UTP25: variants seen among roughly 807,000 people sequenced by gnomAD.
UTP25 encodes UTP25 small subunit processome component.
A neutral mutation model predicts 78.9 loss-of-function variants in UTP25; 50 were observed. That is an observed-to-expected ratio of 0.63 (90% CI 0.50 to 0.80). UTP25 has a LOEUF of 0.80. Among genes scored for constraint, UTP25 ranks in the 30% least tolerant of loss-of-function variants. UTP25 has a pLI of 0.00. For missense variants in UTP25, 846 were observed against 911.3 expected (o/e 0.93, Z 0.92); for synonymous variants, 329 against 336.5 (o/e 0.98, Z 0.24).
chr1:209,845,664 T>C (rs2078192989), intron 11 of UTP25, among the ~76,000 whole-genome samples: 1 of 152,202 alleles, frequency 6.6e-6, no homozygotes, highest in Non-Finnish European at 1.5e-5. Context: ...TTAATTGGTG[T>C]TTCTTTTGTA....
At chr1:209,839,741 C>G (rs1378447711) in intron 7 of UTP25, among the ~76,000 whole-genome samples, 1 of 152,168 alleles carries the variant, frequency 6.6e-6, no homozygotes, top group Non-Finnish European at 1.5e-5. Flanking sequence ...GTGTGCCAGG[C>G]ACTGTTAAGA....
intron 3 of UTP25, among the ~76,000 whole-genome samples, chr1:209,832,476 C>T (rs10127937): frequency 0.16 from 24,142 of 152,158 alleles, 2,283 homozygotes; most frequent in Non-Finnish European, 0.2. Context: ...CTTTGAACAT[C>T]CTCTCATGTA....
Position 209,840,879 on chromosome 1 carries a change from C to T in UTP25, c.1309C>T (p.Arg437Ter), listed in dbSNP as rs200188965. The T allele has an allele frequency of 1.9e-5, 30 of 1,612,640 alleles. No homozygotes were observed. Among genetic ancestry groups the T allele is most frequent in the Non-Finnish European group, 2.5e-5 (29 of 1,179,882 alleles). ...IGVAILQRSIRLYAPFYSSDI... is the reference protein window; with the variant it reads ...IGVAILQRSI ...AGTGGCAATACTTCAGAGAAGCATCCGACTCTATGCCCCGTTTTACTCCTC... is the reference window on the plus strand; with the variant it reads ...AGTGGCAATACTTCAGAGAAGCATCTGACTCTATGCCCCGTTTTACTCCTC... Residue 437 changes from arginine (R) to a stop codon, truncating the protein, a stop_gained, in exon 8 of 12, where the codon CGA (arginine) becomes TGA (stop). Coordinates refer to ENST00000491415, the MANE Select transcript of UTP25 (RefSeq NM_014388.7). LOFTEE classifies it high-confidence loss of function.
rs2078274105 is a variant in UTP25 at position 209,856,147 on chromosome 1, T to C, written c.*4700T>C. The stretch of plus-strand genomic sequence containing the variant: ...AGTCCTCACGACCACTTCTCAGTTT[T>C]CTCATCTTTATGAAGTATGGAGTAA... On this transcript the variant is annotated 3_prime_UTR_variant, in exon 12 of 12. Transcript: ENST00000491415. 1 of 152,258 alleles carries C rather than the reference T, an allele frequency of 6.6e-6. No individual in the cohort carries two copies. The allele number at this position is 152,258 out of a possible 1,614,324, so 9.4% of individuals were successfully genotyped here. A position where few individuals can be genotyped will look rare whatever the true frequency, so the allele number is the denominator to read the frequency against.
chr1:209,841,045 AGCATG>A lies in UTP25; in HGVS notation c.1476_1480del (p.Glu492AspfsTer30). 1.2e-6 allele frequency: 2 copies of A among 1,613,970 alleles called. No homozygotes were observed. The highest frequency in any genetic ancestry group is 1.7e-6 in the Non-Finnish European group (2 of 1,179,894). On this transcript the variant is annotated frameshift_variant, in exon 8 of 12. Transcript: ENST00000491415. LOFTEE classifies it high-confidence loss of function. ...GACATTTACCTGATGCAGAACTGGG[AGCATG>A]TCCTGGTAATGCTGGCCATTCACAT...
chr1:209,850,840 A>C (rs565706494), intron 11 of UTP25, among the ~76,000 whole-genome samples: 4 of 152,140 alleles, frequency 2.6e-5, no homozygotes, highest in African/African-American at 9.7e-5. Flanking sequence ...TTGCCTGATT[A>C]TAATAAGGCT....
Position 209,843,555 on chromosome 1 carries a change from A to G in UTP25, c.1886A>G (p.Asn629Ser). Residue 629 changes from asparagine (N) to serine (S), a missense_variant, in exon 11 of 12, where the codon AAT (asparagine) becomes AGT (serine). Coordinates refer to ENST00000491415, the MANE Select transcript of UTP25 (RefSeq NM_014388.7). ...PSYFDFVRLR[N>S]YFKKEELNFT... is the part of the protein sequence containing the mutation. ...TACTTTGACTTCGTGCGTCTTCGAA[A>G]TTACTTCAAGAAGGAGGAATTGAAT... The G allele has an allele frequency of 1.9e-6, 3 of 1,614,192 alleles. No individual in the cohort carries two copies. The highest frequency in any genetic ancestry group is 1.6e-4 in the Middle Eastern group (1 of 6,062).
rs2078259032 is a variant in UTP25, at chr1:209,854,320, T to TG, written c.*2873_*2874insG. ...TAAAACAACCAGCTTAGCACTTTTC[T>TG]TTTTGAGAGAGAAAAAGCTTTGAAT... On this transcript the variant is annotated 3_prime_UTR_variant, in exon 12 of 12. Transcript: ENST00000491415. 1 of 147,488 alleles carries TG rather than the reference T, an allele frequency of 6.8e-6. No individual in the cohort carries two copies. The highest frequency in any genetic ancestry group is 6.7e-5 in the Admixed American group (1 of 14,886). 9.1% of individuals were successfully genotyped at this position (147,488 alleles called of 1,614,324 possible).
At chr1:209,838,364 C>A (rs2078146242) in intron 6 of UTP25, among the ~76,000 whole-genome samples, 1 of 134,134 alleles carries the variant, frequency 7.5e-6, no homozygotes, top group South Asian at 2.6e-4. Flanking sequence ...TAATTGTGGT[C>A]ATTTTTTTTT....
chr1:209,851,214 A>G lies in UTP25; in HGVS notation c.2038A>G (p.Lys680Glu), dbSNP rs1280533678. 1 of 1,613,014 alleles carries G rather than the reference A, an allele frequency of 6.2e-7. No individual in the cohort carries two copies. Among genetic ancestry groups the G allele is most frequent in the East Asian group, 2.2e-5 (1 of 44,878 alleles). The change falls in exon 12 of 12, where the codon AAA becomes GAA. Residue 680 changes from lysine to glutamate, a missense_variant. Lys to Glu is a moderately conservative substitution (Grantham distance 56). Coordinates refer to ENST00000491415, the MANE Select transcript of UTP25 (RefSeq NM_014388.7). ...RFHFYKRYTI[K>E]GIRNLIFYEL... ...TTCCAATTCTGACAGGTATACAATA[A>G]AAGGCATCAGGAACCTGATTTTCTA...
At chr1:209,846,957 TATAA>T (rs1293975002) in intron 11 of UTP25, among the ~76,000 whole-genome samples, 6 of 152,392 alleles carry the variant, frequency 3.9e-5, no homozygotes, top group African/African-American at 1.4e-4. Flanking sequence ...ACTGCCCTGA[TATAA>T]ATACTCTTTT....
chr1:209,856,369 T>A lies in UTP25; in HGVS notation c.*4922T>A, dbSNP rs539522244. On this transcript the variant is annotated 3_prime_UTR_variant, in exon 12 of 12. Coordinates refer to ENST00000491415, the MANE Select transcript of UTP25 (RefSeq NM_014388.7). ...CCCATGAGACAGAAGCACTAACTAC[T>A]GAGCAGGACTTCTAGGGGAGTTCTT... is the stretch of plus-strand genomic sequence containing the variant. 1.3e-5 allele frequency: 2 copies of A among 152,222 alleles called. No homozygotes were observed. Among genetic ancestry groups the A allele is most frequent in the Non-Finnish European group, 2.9e-5 (2 of 68,028 alleles). The allele number at this position is 152,222 out of a possible 1,614,324, so 9.4% of individuals were successfully genotyped here.
At chr1:209,842,145 T>C in intron 8 of UTP25, 120 bp from the exon 9 acceptor site, 1 of 1,064,492 alleles carries the variant, frequency 9.4e-7, no homozygotes, top group Non-Finnish European at 1.4e-6. Context: ...AGCCTCAGTT[T>C]TCTTGTTATA....
At position 209,851,472 on chromosome 1, in the gene UTP25, T is replaced by G; in HGVS notation, c.*25T>G. 2.5e-6 allele frequency: 4 copies of G among 1,586,820 alleles called. No individual in the cohort carries two copies. Among genetic ancestry groups the G allele is most frequent in the Non-Finnish European group, 3.4e-6 (4 of 1,166,276 alleles). ...AAATTTTGTTGGGCAGGAAGTGGTA[T>G]TTGGCATGATACATAATGTTTGATT... is the stretch of plus-strand genomic sequence containing the variant. On this transcript the variant is annotated 3_prime_UTR_variant, in exon 12 of 12. Coordinates refer to ENST00000491415, the MANE Select transcript of UTP25 (RefSeq NM_014388.7).
At position 209,851,514 on chromosome 1, in the gene UTP25, C is replaced by G; in HGVS notation, c.*67C>G. The G allele has an allele frequency of 6.6e-7, 1 of 1,510,594 alleles. No homozygotes were observed. The highest frequency in any genetic ancestry group is 1.4e-5 in the South Asian group (1 of 73,974). 93.6% of individuals were successfully genotyped at this position (1,510,594 alleles called of 1,614,324 possible). ...TGTTTGATTCTATGCCATTTGGACC[C>G]AATTCTGATTACTTACAGAAGAAGG... On this transcript the variant is annotated 3_prime_UTR_variant, in exon 12 of 12. Transcript: ENST00000491415.
rs1331347063 is a variant in UTP25, at chr1:209,857,095, T to C, written c.*5648T>C. 6.6e-6 allele frequency: 1 copy of C among 152,146 alleles called. No homozygotes were observed. The highest frequency in any genetic ancestry group is 1.5e-5 in the Non-Finnish European group (1 of 68,014). The allele number at this position is 152,146 out of a possible 1,614,324, so 9.4% of individuals were successfully genotyped here. ...TGATCCGTGAATTACCTATAGGTCA[T>C]CCCTAAGAGGTGGCCTCCAGCTTCT... On this transcript the variant is annotated 3_prime_UTR_variant, in exon 12 of 12. Coordinates refer to ENST00000491415, the MANE Select transcript of UTP25 (RefSeq NM_014388.7).
rs1293245950 is a variant in UTP25 at position 209,852,988 on chromosome 1, C to T, written c.*1541C>T. On this transcript the variant is annotated 3_prime_UTR_variant, in exon 12 of 12. Transcript: ENST00000491415. ...GCTCCCATTATCCTCAATGTAATAACCCATGATTGGTACAGATTTTTTTTA... is the reference window on the plus strand; with the variant it reads ...GCTCCCATTATCCTCAATGTAATAATCCATGATTGGTACAGATTTTTTTTA... The T allele has an allele frequency of 7.2e-5, 11 of 152,134 alleles. No individual in the cohort carries two copies. The highest frequency in any genetic ancestry group is 6.5e-5 in the Admixed American group (1 of 15,268). The allele number at this position is 152,134 out of a possible 1,614,324, so 9.4% of individuals were successfully genotyped here. A position where few individuals can be genotyped will look rare whatever the true frequency, so the allele number is the denominator to read the frequency against.
intron 5 of UTP25, 140 bp from the exon 6 acceptor site, chr1:209,836,661 G>GT: frequency 3.5e-6 from 3 of 869,018 alleles, no homozygotes; most frequent in Non-Finnish European, 5.2e-6. Context: ...GAGTATCATG[G>GT]TAACTACCTT....
rs1044834797 is a variant in UTP25 at position 209,842,460 on chromosome 1, C to T, written c.1668+13C>T. On this transcript the variant is annotated intron_variant, in intron 9 of 11. Transcript: ENST00000491415. ...CATGCAAGGCCAGGTGGGTTCTCGT[C>T]TTGTTTCCTCAGTATCTTCATGAGC... The T allele has an allele frequency of 3.7e-6, 6 of 1,614,110 alleles. No homozygotes were observed. The highest frequency in any genetic ancestry group is 2.2e-5 in the East Asian group (1 of 44,874).
Sources: gnomAD v4.1 joint callset for allele counts (sites outside exome capture counted in the v4.1 genomes callset) on GRCh38, gnomAD v4.1.1 for gene constraint, MANE v1.5 for transcripts, NCBI Gene and HGNC (gene_info 2026-07-23, HGNC 2026-07-21) for gene names.